Variants in COL26A1 observed in about 807,000 individuals in gnomAD.
COL26A1 encodes the protein collagen alpha-1(XXVI) chain.
A neutral mutation model predicts 59.3 loss-of-function variants in COL26A1; 41 were observed. The observed-to-expected ratio is 0.69, with a 90% CI of 0.54 to 0.90. The LOEUF is 0.90. COL26A1 is among the 40% of genes least tolerant of loss of function. The pLI is 0.00. For missense variants in COL26A1, 612 were observed against 602.3 expected, an observed-to-expected ratio of 1.02 and a Z score of -0.17; for synonymous variants, 266 against 256.0, an observed-to-expected ratio of 1.04 and a Z score of -0.37.
At chr7:101,365,238 A>G (rs1246903129) in intron 1 of COL26A1, among the ~76,000 whole-genome samples, 1 of 152,226 alleles carries the variant, frequency 6.6e-6, no homozygotes, top group Non-Finnish European at 1.5e-5. Flanking sequence ...TTCAAGTTAC[A>G]GAATAATATA....
chr7:101,428,563 G>C (rs1229016775), intron 2 of COL26A1, among the ~76,000 whole-genome samples: 4 of 152,284 alleles, frequency 2.6e-5, no homozygotes, highest in Middle Eastern at 6.8e-3. Context: ...GTCAGTTCAA[G>C]GTTGGACAGG....
intron 1 of COL26A1, among the ~76,000 whole-genome samples, chr7:101,415,263 C>T (rs1252818300): frequency 6.6e-6 from 1 of 151,290 alleles, no homozygotes; most frequent in East Asian, 2.0e-4. Flanking sequence ...AGCGACTCTT[C>T]TGCCACAGCC....
chr7:101,518,681 C>T (rs987195044), intron 3 of COL26A1, among the ~76,000 whole-genome samples: 17 of 152,280 alleles, frequency 1.1e-4, no homozygotes, highest in African/African-American at 4.1e-4. Context: ...AGAAATCCAC[C>T]CAAGAGAAGC....
At chr7:101,503,236 C>T (rs1187605405) in intron 3 of COL26A1, among the ~76,000 whole-genome samples, 1 of 152,202 alleles carries the variant, frequency 6.6e-6, no homozygotes, top group African/African-American at 2.4e-5. Context: ...CTGGTGACAA[C>T]AGGACGGTCA....
chr7:101,554,795 G>A (rs1795932763), intron 11 of COL26A1, among the ~76,000 whole-genome samples: 1 of 151,934 alleles, frequency 6.6e-6, no homozygotes, highest in Admixed American at 6.6e-5. Context: ...AACCACCTGT[G>A]GCTTAGGAAC....
chr7:101,411,648 T>C (rs1165356750), intron 1 of COL26A1, among the ~76,000 whole-genome samples: 1 of 151,790 alleles, frequency 6.6e-6, no homozygotes, highest in Non-Finnish European at 1.5e-5. Context: ...ATGGATTCAG[T>C]TGGATTGGAC....
At chr7:101,419,264 G>C (rs373947852) in intron 1 of COL26A1, among the ~76,000 whole-genome samples, 1 of 151,678 alleles carries the variant, frequency 6.6e-6, no homozygotes, top group East Asian at 1.9e-4. Flanking sequence ...GTGCCACCAC[G>C]CCTGGGCTAA....
At chr7:101,445,647 G>C (rs1392945372) in intron 2 of COL26A1, among the ~76,000 whole-genome samples, 1 of 150,036 alleles carries the variant, frequency 6.7e-6, no homozygotes, top group Non-Finnish European at 1.5e-5. Flanking sequence ...CAGGAGAATG[G>C]CGTGAACCCG....
At chr7:101,547,364 C>A in intron 8 of COL26A1, 125 bp downstream of exon 8, 1 of 600,480 alleles carries the variant, frequency 1.7e-6, no homozygotes, top group Non-Finnish European at 3.0e-6. Context: ...ATGCTGGGGA[C>A]TGGGTCTGTC....
At chr7:101,385,227 CACACTATA>C (rs752551830) in intron 1 of COL26A1, among the ~76,000 whole-genome samples, 1,847 of 139,112 alleles carry the variant, frequency 0.013, 14 homozygotes, top group Non-Finnish European at 0.015. Flanking sequence ...CACACACACA[CACACTATA>C]TATATATATA....
chr7:101,412,401 T>G (rs981928805), intron 1 of COL26A1, among the ~76,000 whole-genome samples: 2 of 152,046 alleles, frequency 1.3e-5, no homozygotes, highest in African/African-American at 4.8e-5. Context: ...TCCCAGCACT[T>G]TGGGAGGCCC....
At chr7:101,378,512 A>G (rs1043657564) in intron 1 of COL26A1, among the ~76,000 whole-genome samples, 4 of 151,852 alleles carry the variant, frequency 2.6e-5, no homozygotes, top group African/African-American at 7.3e-5. Context: ...ACAGAGCAAG[A>G]CTCCATCTAA....
chr7:101,513,266 C>G (rs1208951053), intron 3 of COL26A1, among the ~76,000 whole-genome samples: 3 of 151,458 alleles, frequency 2.0e-5, no homozygotes, highest in African/African-American at 4.9e-5. Context: ...CCTTGGCCCC[C>G]CAAAGTGCTG....
At chr7:101,397,918 A>C (rs1226285218) in intron 1 of COL26A1, among the ~76,000 whole-genome samples, 1 of 152,192 alleles carries the variant, frequency 6.6e-6, no homozygotes, top group Non-Finnish European at 1.5e-5. Context: ...TCAGGCCCAG[A>C]GGGAGAACAT....
chr7:101,475,810 TTCTTTCTTTCTCTC>T (rs1251073168), intron 3 of COL26A1, among the ~76,000 whole-genome samples: 21 of 41,700 alleles, frequency 5.0e-4, no homozygotes, highest in African/African-American at 3.1e-3. Flanking sequence ...CCTTCCTTCT[TTCTTTCTTTCTCTC>T]TCTTTCTCTC....
At chr7:101,555,696 C>A in intron 11 of COL26A1, 91 bp from the exon 12 acceptor site, 1 of 864,788 alleles carries the variant, frequency 1.2e-6, no homozygotes, top group Non-Finnish European at 1.8e-6. Context: ...GGGTGGGGGG[C>A]TTTGAGGACA....
chr7:101,370,811 C>G (rs990068565), intron 1 of COL26A1, among the ~76,000 whole-genome samples: 3 of 152,202 alleles, frequency 2.0e-5, no homozygotes, highest in Non-Finnish European at 2.9e-5. Flanking sequence ...ACTCCCCCCT[C>G]TTTTGGTAGA....
At chr7:101,367,272 C>T (rs563933475) in intron 1 of COL26A1, among the ~76,000 whole-genome samples, 1 of 152,230 alleles carries the variant, frequency 6.6e-6, no homozygotes, top group African/African-American at 2.4e-5. Flanking sequence ...GCCCTATCCT[C>T]CAATGTGGTG....
In COL26A1 at chr7:101,544,097, G is replaced by A; in HGVS notation, c.703+1G>A. 1 of 1,596,836 alleles carries A rather than the reference G, an allele frequency of 6.3e-7. No individual in the cohort carries two copies. Among genetic ancestry groups the A allele is most frequent in the Non-Finnish European group, 8.5e-7 (1 of 1,171,790 alleles). On this transcript the variant is annotated splice_donor_variant, in intron 6 of 12. Coordinates refer to ENST00000313669, the MANE Select transcript of COL26A1 (RefSeq NM_001278563.3). LOFTEE classifies it high-confidence loss of function. ...GAGAAGGGTCCAGCGGGGCCGCCTG[G>A]TAAGAAAACCCCCCACATATGTGAT...
Sources: allele counts gnomAD v4.1 joint callset (sites outside exome capture counted in the v4.1 genomes callset), GRCh38; gene constraint gnomAD v4.1.1; transcripts MANE v1.5; gene names NCBI Gene and HGNC (gene_info 2026-07-23, HGNC 2026-07-21).